The following PAX3 variants were observed in gnomAD, a reference collection of about 807,000 sequenced individuals.
The protein encoded by PAX3 is paired box protein Pax-3.
PAX3 carries 14 observed loss-of-function variants against 51.6 expected under a neutral mutation model. The ratio of observed to expected loss-of-function variants is 0.27; its 90% CI spans 0.18 to 0.42. The LOEUF (loss-of-function observed/expected upper bound fraction) is 0.42. PAX3 is among the 10% of genes least tolerant of loss of function. PAX3 has a pLI of 1.00. For missense variants in PAX3, 540 were observed against 642.8 expected, an observed-to-expected ratio of 0.84 and a Z score of 1.73; for synonymous variants, 280 against 253.4, an observed-to-expected ratio of 1.11 and a Z score of -1.00.
Position 222,250,855 on chromosome 2 carries a change from A to C in PAX3, c.587-18572T>G, listed in dbSNP as rs1693402487. 7.9e-5 allele frequency among the ~76,000 whole-genome samples: 12 copies of C among 152,254 alleles called. No individual in the cohort carries two copies. The South Asian group carries it at 2.5e-3, about 32-fold the overall frequency. ...CACACTTCCAAATAAATAAAACACA[A>C]ATTTTCACTTATCTCAGCAGTTCCA... is the stretch of plus-strand genomic sequence containing the variant. On this transcript the variant is annotated intron_variant, in intron 4 of 8. Coordinates refer to ENST00000392070, the MANE Select transcript of PAX3 (RefSeq NM_181458.4).
At chr2:222,272,729 G>A (rs1251274277) in intron 4 of PAX3, among the ~76,000 whole-genome samples, 1 of 152,208 alleles carries the variant, frequency 6.6e-6, no homozygotes, top group Admixed American at 6.5e-5. Context: ...GATAAAAGCA[G>A]CTAAATCTTT....
In PAX3 at chr2:222,298,312, A is replaced by G. The variant is rs906259712; in HGVS notation, c.85+219T>C. The G allele has an allele frequency of 8.5e-6, 5 of 587,350 alleles. No individual in the cohort carries two copies. In the Admixed American group the frequency reaches 8.9e-5, roughly 10 times the overall value. The allele number at this position is 587,350 out of a possible 1,614,324, so 36.4% of individuals were successfully genotyped here. A position where few individuals can be genotyped will look rare whatever the true frequency, so the allele number is the denominator to read the frequency against. On this transcript the variant is annotated intron_variant, in intron 1 of 8. Transcript: ENST00000392070. ...GTCTCCCCGGCTCGCCGCAGGCCTG[A>G]CCGCCCAGCTCCGCCAGGATTTGCA...
At chr2:222,295,037 C>T (rs565834120) in intron 3 of PAX3, among the ~76,000 whole-genome samples, 6 of 152,052 alleles carry the variant, frequency 3.9e-5, no homozygotes, top group East Asian at 3.9e-4. Flanking sequence ...CCGTGCTTGC[C>T]CCTCTTCTCC....
chr2:222,242,011 G>T (rs886210977), intron 4 of PAX3, among the ~76,000 whole-genome samples: 1 of 152,044 alleles, frequency 6.6e-6, no homozygotes, highest in Non-Finnish European at 1.5e-5. Flanking sequence ...ATCAGTGATC[G>T]AACAAAAAAT....
intron 7 of PAX3, among the ~76,000 whole-genome samples, chr2:222,213,831 C>T (rs183979858): frequency 6.6e-6 from 1 of 152,258 alleles, no homozygotes; most frequent in African/African-American, 2.4e-5. Context: ...GCCTTATCAA[C>T]AAGACTAGCA....
Position 222,298,594 on chromosome 2 carries a change from C to T in PAX3, c.22G>A (p.Val8Met). 2 of 1,606,910 alleles carry T rather than the reference C, an allele frequency of 1.2e-6. No homozygotes were observed. The highest frequency in any genetic ancestry group is 1.3e-5 in the African/African-American group (1 of 74,958). Residue 8 changes from valine to methionine, a missense_variant, in exon 1 of 9, where the codon GTG (valine) becomes ATG (methionine). By Grantham distance (21) the Val-to-Met change is conservative. Transcript: ENST00000392070. ...GGGCCCGGCCGCATCATCCTGGGCA[C>T]AGCGCCGGCCAGCGTGGTCATCCTG... The part of the protein sequence containing the change: MTTLAGA[V>M]PRMMRPGPGQ...
chr2:222,282,042 G>T (rs914562574), intron 4 of PAX3, among the ~76,000 whole-genome samples: 4 of 152,242 alleles, frequency 2.6e-5, no homozygotes, highest in Non-Finnish European at 2.9e-5. Flanking sequence ...CGTGTTTTTG[G>T]TTTTTTCTTA....
At position 222,201,054 on chromosome 2, in the gene PAX3, C is replaced by T. The variant is rs930970597; in HGVS notation, c.*354G>A. The stretch of plus-strand genomic sequence containing the variant: ...CTCAATACACACACACACACACACA[C>T]GCACGCACGCACACAAGCAAATGGA... On this transcript the variant is annotated 3_prime_UTR_variant, in exon 9 of 9. Transcript: ENST00000392070. 2.7e-5 allele frequency: 27 copies of T among 1,016,356 alleles called. No individual in the cohort carries two copies. Among genetic ancestry groups the T allele is most frequent in the East Asian group, 1.8e-4 (7 of 38,564 alleles). 63.0% of individuals were successfully genotyped at this position (1,016,356 alleles called of 1,614,324 possible). A position where few individuals can be genotyped will look rare whatever the true frequency, so the allele number is the denominator to read the frequency against.
At chr2:222,232,352 G>C in intron 4 of PAX3, 69 bp from the exon 5 acceptor site, 3 of 1,371,166 alleles carry the variant, frequency 2.2e-6, no homozygotes, top group Non-Finnish European at 3.1e-6. Flanking sequence ...TTGAATCCAA[G>C]TTCTCTCTCC....
At chr2:222,278,547 A>G (rs1408720855) in intron 4 of PAX3, among the ~76,000 whole-genome samples, 1 of 152,186 alleles carries the variant, frequency 6.6e-6, no homozygotes, top group Non-Finnish European at 1.5e-5. Context: ...AGGGAGCCCA[A>G]GGGACAAAAG....
intron 4 of PAX3, among the ~76,000 whole-genome samples, chr2:222,241,299 G>T (rs1367413): frequency 0.12 from 17,582 of 152,116 alleles, 1,158 homozygotes; most frequent in South Asian, 0.26. Flanking sequence ...CCCTCTTATC[G>T]CGGGCTGGCC....
Position 222,297,122 on chromosome 2 carries a change from G to T in PAX3, c.177C>A (p.Ile59=). 1 of 1,613,298 alleles carries T rather than the reference G, an allele frequency of 6.2e-7. No homozygotes were observed. Among genetic ancestry groups the T allele is most frequent in the Non-Finnish European group, 8.5e-7 (1 of 1,179,726 alleles). The change falls in exon 2 of 9, where the codon ATC becomes ATA. Residue 59 remains isoleucine (I), a synonymous_variant. Transcript: ENST00000392070. ...RPLPNHIRHK[I]VEMAHHGIRP... ...GGATGCCGTGGTGGGCCATCTCCAC[G>T]ATCTTGTGGCGGATGTGGTTGGGCA... is the stretch of plus-strand genomic sequence containing the variant.
chr2:222,268,602 C>T (rs1008817893), intron 4 of PAX3, among the ~76,000 whole-genome samples: 4 of 152,190 alleles, frequency 2.6e-5, no homozygotes, highest in Non-Finnish European at 4.4e-5. Flanking sequence ...TCCTACCTCA[C>T]TCTGAATCTC....
At chr2:222,288,185 T>C (rs1367170864) in intron 4 of PAX3, among the ~76,000 whole-genome samples, 2 of 152,232 alleles carry the variant, frequency 1.3e-5, no homozygotes, top group African/African-American at 4.8e-5. Context: ...AAAAGAGTCA[T>C]AAAATGATTC....
chr2:222,233,290 A>G (rs1418994014), intron 4 of PAX3, among the ~76,000 whole-genome samples: 1 of 152,120 alleles, frequency 6.6e-6, no homozygotes, highest in Non-Finnish European at 1.5e-5. Context: ...CTGTACTCAC[A>G]TGTGGAAGGG....
rs564303043 is a variant in PAX3 at position 222,247,488 on chromosome 2, A to C, written c.587-15205T>G. ...AAATCACTTTAAATATCAGCAGAAA[A>C]CTCTTTACTCTAGATTTGAAAAACT... On this transcript the variant is annotated intron_variant, in intron 4 of 8. Transcript: ENST00000392070. Among the ~76,000 whole-genome samples, 7 of 152,150 alleles carry C rather than the reference A, an allele frequency of 4.6e-5. No homozygotes were observed. The South Asian group carries it at 1.0e-3, about 23-fold the overall frequency.
At position 222,298,714 on chromosome 2, in the gene PAX3, G is replaced by A. The variant is rs1695446616; in HGVS notation, c.-99C>T. 2.7e-5 allele frequency: 32 copies of A among 1,205,652 alleles called. 1 individual carries two copies. In the South Asian group the frequency reaches 3.6e-4, roughly 14 times the overall value. 74.7% of individuals were successfully genotyped at this position (1,205,652 alleles called of 1,614,324 possible). A position where few individuals can be genotyped will look rare whatever the true frequency, so the allele number is the denominator to read the frequency against. On this transcript the variant is annotated 5_prime_UTR_variant, in exon 1 of 9. Transcript: ENST00000392070. ...CCTCGGGAACTATCCGGAGCGTGGAGAGCCCCTCCCCAAAACGGCTGGAGA... is the reference window on the plus strand; with the variant it reads ...CCTCGGGAACTATCCGGAGCGTGGAAAGCCCCTCCCCAAAACGGCTGGAGA...
chr2:222,268,055 C>T (rs1466957826), intron 4 of PAX3, among the ~76,000 whole-genome samples: 1 of 152,168 alleles, frequency 6.6e-6, no homozygotes, highest in African/African-American at 2.4e-5. Context: ...CAAAAAGCTG[C>T]ATAACAGATC....
At chr2:222,214,832 G>A (rs1691887606) in intron 7 of PAX3, 1 of 152,186 alleles carries the variant, frequency 6.6e-6, no homozygotes, top group East Asian at 1.9e-4. Flanking sequence ...TTGAAACAAG[G>A]CCTCACAGCA....
Sources: allele counts gnomAD v4.1 joint callset (sites outside exome capture counted in the v4.1 genomes callset), GRCh38; gene constraint gnomAD v4.1.1; transcripts MANE v1.5; gene names NCBI Gene and HGNC (gene_info 2026-07-23, HGNC 2026-07-21).